Variants in RBFOX2 observed in about 807,000 individuals in gnomAD.
RBFOX2 encodes RNA binding protein fox-1 homolog 2.
RBFOX2 carries 10 observed loss-of-function variants against 49.1 expected under a neutral mutation model. The observed-to-expected ratio is 0.20, with a 90% CI of 0.13 to 0.35. The LOEUF (loss-of-function observed/expected upper bound fraction) is 0.35. RBFOX2 is among the 10% of genes least tolerant of loss of function. The pLI, the probability that RBFOX2 is intolerant of heterozygous loss-of-function variation, is 1.00. For synonymous variants in RBFOX2, 183 were observed against 187.4 expected, an observed-to-expected ratio of 0.98 and a Z score of 0.19; for missense variants, 323 against 486.9, an observed-to-expected ratio of 0.66 and a Z score of 3.17.
intron 1 of RBFOX2, among the ~76,000 whole-genome samples, chr22:35,951,112 C>T (rs1167570877): frequency 1.3e-5 from 2 of 151,532 alleles, no homozygotes. Context: ...TGCCACCACG[C>T]CCAGCTAAAT....
At chr22:36,008,624 C>A (rs1195884712) in intron 1 of RBFOX2, among the ~76,000 whole-genome samples, 1 of 152,100 alleles carries the variant, frequency 6.6e-6, no homozygotes, top group Non-Finnish European at 1.5e-5. Context: ...TAAGACCAGC[C>A]TGGCCAACAC....
intron 4 of RBFOX2, among the ~76,000 whole-genome samples, chr22:35,772,986 A>G (rs933844952): frequency 6.6e-6 from 1 of 151,688 alleles, no homozygotes; most frequent in South Asian, 2.1e-4. Context: ...GTATGGCCAG[A>G]ACACAGAAAT....
chr22:35,916,314 C>T (rs978234107), intron 1 of RBFOX2, among the ~76,000 whole-genome samples: 1 of 152,198 alleles, frequency 6.6e-6, no homozygotes, highest in Non-Finnish European at 1.5e-5. Context: ...CAGGGTCTCA[C>T]TCTGTTGCTC....
At chr22:35,803,773 A>G (rs1301804363) in intron 2 of RBFOX2, among the ~76,000 whole-genome samples, 2 of 152,286 alleles carry the variant, frequency 1.3e-5, no homozygotes, top group Non-Finnish European at 2.9e-5. Flanking sequence ...AATAACTGAA[A>G]GAAAAAAAAT....
chr22:35,882,256 G>A (rs1008176064), intron 1 of RBFOX2, among the ~76,000 whole-genome samples: 11 of 152,250 alleles, frequency 7.2e-5, no homozygotes, highest in South Asian at 2.1e-4. Flanking sequence ...ATTAGAGAAC[G>A]AAGTGATCAG....
At chr22:35,862,745 T>C (rs1030396047) in intron 1 of RBFOX2, among the ~76,000 whole-genome samples, 2 of 152,174 alleles carry the variant, frequency 1.3e-5, no homozygotes, top group African/African-American at 4.8e-5. Context: ...ACTTCTTAGC[T>C]GTGTAATTTG....
At chr22:35,920,439 G>A (rs776184982) in intron 1 of RBFOX2, among the ~76,000 whole-genome samples, 5 of 152,152 alleles carry the variant, frequency 3.3e-5, no homozygotes, top group Non-Finnish European at 7.3e-5. Context: ...ACAGATCCCA[G>A]TCTATTCCTG....
At chr22:36,016,693 C>A (rs2059049422) in intron 1 of RBFOX2, among the ~76,000 whole-genome samples, 1 of 152,182 alleles carries the variant, frequency 6.6e-6, no homozygotes, top group Non-Finnish European at 1.5e-5. Context: ...GAAGTCTAAA[C>A]CTCAAAGGCT....
At chr22:35,842,220 G>A (rs2040594347), upstream of RBFOX2, among the ~76,000 whole-genome samples, 1 of 152,098 alleles carries the variant, frequency 6.6e-6, no homozygotes, top group South Asian at 2.1e-4. Flanking sequence ...TAGTATATCA[G>A]GCTCTATTCT....
chr22:35,863,874 T>C (rs911171046), intron 1 of RBFOX2, among the ~76,000 whole-genome samples: 1 of 152,214 alleles, frequency 6.6e-6, no homozygotes, highest in Non-Finnish European at 1.5e-5. Context: ...CAAAGCGGAT[T>C]AGAAATCGAA....
intron 1 of RBFOX2, among the ~76,000 whole-genome samples, chr22:35,907,577 T>C (rs1334725991): frequency 1.3e-5 from 2 of 152,170 alleles, no homozygotes; most frequent in Non-Finnish European, 1.5e-5. Context: ...GAAGAGGAGA[T>C]TGTTATATGC....
chr22:35,779,556 C>A (rs1309719068), intron 3 of RBFOX2, among the ~76,000 whole-genome samples: 1 of 152,156 alleles, frequency 6.6e-6, no homozygotes, highest in Non-Finnish European at 1.5e-5. Context: ...TATGCTTATC[C>A]TATAAAACTA....
chr22:35,881,081 G>A (rs2045824688), intron 1 of RBFOX2, among the ~76,000 whole-genome samples: 1 of 151,328 alleles, frequency 6.6e-6, no homozygotes, highest in South Asian at 2.1e-4. Flanking sequence ...TGGCTAACAT[G>A]GTGAAACCCC....
intron 1 of RBFOX2, among the ~76,000 whole-genome samples, chr22:35,850,224 A>ACACT (rs2041775972): frequency 6.6e-6 from 1 of 151,122 alleles, no homozygotes; most frequent in African/African-American, 2.4e-5. Context: ...ACACACACAC[A>ACACT]CACACACACA....
At chr22:35,869,315 G>A (rs753181066) in intron 1 of RBFOX2, among the ~76,000 whole-genome samples, 6 of 151,340 alleles carry the variant, frequency 4.0e-5, no homozygotes, top group African/African-American at 7.3e-5. Context: ...CCACCGCCAC[G>A]CCTGGCTAAT....
chr22:35,744,122 A>G, exon 12 of RBFOX2: 1 of 1,242,160 alleles, frequency 8.1e-7, no homozygotes, highest in East Asian at 2.6e-5. Context: ...ATCTTGCTAT[A>G]GAGTTCCTCT....
intron 1 of RBFOX2, among the ~76,000 whole-genome samples, chr22:35,956,710 C>A (rs1007540743): frequency 2.0e-5 from 3 of 152,082 alleles, no homozygotes; most frequent in Non-Finnish European, 2.9e-5. Flanking sequence ...ATCAGTTGTT[C>A]TTTCAAATAA....
chr22:35,998,095 T>C (rs1262660256), intron 1 of RBFOX2: 1 of 152,200 alleles, frequency 6.6e-6, no homozygotes, highest in African/African-American at 2.4e-5. Context: ...TCTCCCTCTT[T>C]TTCTCCTTTA....
chr22:35,807,982 A>T (rs1449058157), intron 2 of RBFOX2, among the ~76,000 whole-genome samples: 2 of 152,124 alleles, frequency 1.3e-5, no homozygotes, highest in African/African-American at 4.8e-5. Flanking sequence ...ATTTATATGA[A>T]GCAAATTGCT....
Sources: allele counts gnomAD v4.1 joint callset (sites outside exome capture counted in the v4.1 genomes callset), GRCh38; gene constraint gnomAD v4.1.1; transcripts MANE v1.5; gene names NCBI Gene and HGNC (gene_info 2026-07-23, HGNC 2026-07-21).